Variants in HIRA observed in about 807,000 individuals in gnomAD.
HIRA encodes protein HIRA.
A neutral mutation model predicts 126.6 loss-of-function variants in HIRA; 13 were observed. The ratio of observed to expected loss-of-function variants is 0.10; its 90% confidence interval spans 0.07 to 0.16. The LOEUF is 0.16. Ranked by LOEUF, HIRA falls within the 10% of genes least tolerant of loss-of-function variation. HIRA has a pLI of 1.00. For synonymous variants in HIRA, 511 were observed against 520.0 expected (o/e 0.98, Z 0.24); for missense variants, 834 against 1,314.4 (o/e 0.63, Z 5.65).
chr22:19,338,189 G>T lies in HIRA; in HGVS notation c.2938-6633C>A, dbSNP rs1387408173. Among the ~76,000 whole-genome samples the T allele has an allele frequency of 2.0e-5, 3 of 152,020 alleles. No individual in the cohort carries two copies. The East Asian group carries it at 5.8e-4, about 29-fold the overall frequency. On this transcript the variant is annotated intron_variant, in intron 24 of 24. Transcript: ENST00000263208. ...TTTAGCTTCCTCAAACAAACTAACT[G>T]CCAGCCAAGAATTTAGTATCCAGCA... is the stretch of plus-strand genomic sequence containing the variant.
chr22:19,350,921 TG>T, intron 24 of HIRA, among the ~76,000 whole-genome samples: 1 of 152,246 alleles, frequency 6.6e-6, no homozygotes, highest in East Asian at 1.9e-4. Context: ...AAGGCCTTCC[TG>T]GTCACTCCTT....
intron 1 of HIRA, among the ~76,000 whole-genome samples, chr22:19,423,677 C>T (rs1307810982): frequency 1.3e-5 from 2 of 152,214 alleles, no homozygotes; most frequent in Non-Finnish European, 2.9e-5. Flanking sequence ...GTCTGGTCTT[C>T]ACCACAGTGG....
At chr22:19,361,455 G>T in intron 16 of HIRA, 114 bp from the exon 17 acceptor site, 2 of 896,066 alleles carry the variant, frequency 2.2e-6, no homozygotes, top group South Asian at 1.5e-5. Context: ...TTTCCACCCT[G>T]GGAGGGAGGA....
Position 19,420,819 on chromosome 22 carries a change from T to G in HIRA, c.38-10041A>C, listed in dbSNP as rs1353008606. 2.0e-5 allele frequency among the ~76,000 whole-genome samples: 3 copies of G among 152,220 alleles called. No individual in the cohort carries two copies. In the East Asian group the frequency reaches 5.8e-4, roughly 29 times the overall value. ...AAGCAATATATCCATGTAACAAAAC[T>G]GCACTTACATCCCTTAAATTTAACA... On this transcript the variant is annotated intron_variant, in intron 1 of 24. Transcript: ENST00000263208.
At chr22:19,371,337 T>A (rs945693511) in intron 15 of HIRA, among the ~76,000 whole-genome samples, 4 of 152,238 alleles carry the variant, frequency 2.6e-5, no homozygotes, top group Non-Finnish European at 5.9e-5. Context: ...TCTTTTCAGC[T>A]GGTTCTGATC....
intron 14 of HIRA, among the ~76,000 whole-genome samples, chr22:19,377,422 C>G (rs993715185): frequency 3.3e-5 from 5 of 152,208 alleles, no homozygotes; most frequent in African/African-American, 1.2e-4. Context: ...GACACAGGCT[C>G]TGTGAGTGAA....
At chr22:19,345,870 T>G (rs559231187) in intron 24 of HIRA, among the ~76,000 whole-genome samples, 107 of 152,298 alleles carry the variant, frequency 7.0e-4, no homozygotes, top group Non-Finnish European at 1.2e-3. Flanking sequence ...TTTCCTCCCA[T>G]GCACACTGAA....
At chr22:19,416,593 C>T (rs557430313) in intron 1 of HIRA, among the ~76,000 whole-genome samples, 7 of 152,100 alleles carry the variant, frequency 4.6e-5, no homozygotes, top group Non-Finnish European at 8.8e-5. Context: ...GCTACCTTTA[C>T]GTCCCAAAGT....
At chr22:19,424,542 C>T (rs768669516) in intron 1 of HIRA, among the ~76,000 whole-genome samples, 9 of 152,314 alleles carry the variant, frequency 5.9e-5, no homozygotes, top group Non-Finnish European at 1.2e-4. Context: ...GACTCCTGGT[C>T]CCATGCTGTA....
At chr22:19,418,868 C>T (rs1174175486) in intron 1 of HIRA, among the ~76,000 whole-genome samples, 1 of 151,932 alleles carries the variant, frequency 6.6e-6, no homozygotes, top group Non-Finnish European at 1.5e-5. Context: ...TCCAGAAGTA[C>T]CTTCTCAGTA....
chr22:19,355,667 CTAGGCAGCCCTG>C, intron 21 of HIRA, 81 bp downstream of exon 21: 1 of 848,218 alleles, frequency 1.2e-6, no homozygotes, highest in Non-Finnish European at 2.0e-6. Flanking sequence ...AAAAGCAGGG[CTAGGCAGCCCTG>C]TAGGCCACGA....
chr22:19,384,729 A>G (rs954973182), intron 12 of HIRA, among the ~76,000 whole-genome samples: 1 of 151,486 alleles, frequency 6.6e-6, no homozygotes, highest in African/African-American at 2.4e-5. Context: ...GTCTCGGCAC[A>G]CTGCAATATC....
intron 5 of HIRA, among the ~76,000 whole-genome samples, chr22:19,402,420 A>G (rs1195132107): frequency 2.0e-5 from 3 of 152,240 alleles, no homozygotes; most frequent in African/African-American, 4.8e-5. Context: ...CTGGATATTT[A>G]TAACTTTTGA....
chr22:19,389,832 G>C (rs2089161458), intron 9 of HIRA, among the ~76,000 whole-genome samples: 1 of 147,554 alleles, frequency 6.8e-6, no homozygotes, highest in African/African-American at 2.5e-5. Flanking sequence ...TCAGGTTCCA[G>C]AATGGGTGTT....
chr22:19,355,958 C>A, intron 20 of HIRA, 93 bp from the exon 21 acceptor site: 1 of 886,708 alleles, frequency 1.1e-6, no homozygotes. Context: ...TAGGCTCCCA[C>A]AGTCCCAGCA....
rs1362868950 is a variant in HIRA at position 19,334,533 on chromosome 22, TC to T, written c.2938-2978del. ...CAGGCGCGGTGGCTCACGCCTATAA[TC>T]CCAGCACTTTGGGAGGCTGAGGCGG... On this transcript the variant is annotated intron_variant, in intron 24 of 24. Transcript: ENST00000263208. Among the ~76,000 whole-genome samples, 3 of 151,250 alleles carry T rather than the reference TC, an allele frequency of 2.0e-5. No individual in the cohort carries two copies. In the East Asian group the frequency reaches 6.3e-4, roughly 32 times the overall value.
intron 15 of HIRA, among the ~76,000 whole-genome samples, chr22:19,374,316 C>A (rs1383184993): frequency 2.6e-5 from 4 of 152,002 alleles, no homozygotes; most frequent in Admixed American, 2.6e-4. Context: ...AGCCACAACA[C>A]CTGGATAATT....
chr22:19,360,804 G>A (rs971540759), intron 17 of HIRA, among the ~76,000 whole-genome samples: 1 of 152,230 alleles, frequency 6.6e-6, no homozygotes, highest in Non-Finnish European at 1.5e-5. Flanking sequence ...AAACAACTCT[G>A]ATGATTGACT....
At position 19,334,524 on chromosome 22, in the gene HIRA, C is replaced by T. The variant is rs1299207285; in HGVS notation, c.2938-2968G>A. Among the ~76,000 whole-genome samples the T allele has an allele frequency of 8.0e-5, 12 of 150,764 alleles. No individual in the cohort carries two copies. The East Asian group carries it at 8.4e-4, about 11-fold the overall frequency. ...AAATTAGGCCAGGCGCGGTGGCTCA[C>T]GCCTATAATCCCAGCACTTTGGGAG... On this transcript the variant is annotated intron_variant, in intron 24 of 24. Transcript: ENST00000263208.
Sources: allele counts gnomAD v4.1 joint callset (sites outside exome capture counted in the v4.1 genomes callset), GRCh38; gene constraint gnomAD v4.1.1; transcripts MANE v1.5; gene names NCBI Gene and HGNC (gene_info 2026-07-23, HGNC 2026-07-21).